SLC9A6: variants seen among roughly 807,000 people sequenced by gnomAD.
SLC9A6 encodes the protein solute carrier family 9 member A6.
SLC9A6 carries 6 observed loss-of-function variants against 45.3 expected under a neutral mutation model. The observed-to-expected ratio is 0.13, with a 90% CI of 0.07 to 0.26. SLC9A6 has a LOEUF of 0.26. Among genes scored for constraint, SLC9A6 ranks in the 10% least tolerant of loss-of-function variants. SLC9A6 has a pLI of 1.00. For missense variants in SLC9A6, 278 were observed against 503.7 expected (o/e 0.55, Z 4.29); for synonymous variants, 191 against 187.7 (o/e 1.02, Z -0.14).
intron 13 of SLC9A6, among the ~76,000 whole-genome samples, chrX:136,026,865 C>T (rs2071236901): frequency 9.0e-6 from 1 of 111,631 alleles, no homozygotes; most frequent in African/African-American, 3.2e-5. Context: ...GAGAATTTTG[C>T]CCCCCGCCCA....
At chrX:136,020,894 G>C (rs192134855) in intron 11 of SLC9A6, among the ~76,000 whole-genome samples, 1 of 107,510 alleles carries the variant, frequency 9.3e-6, no homozygotes, top group Non-Finnish European at 1.9e-5. Flanking sequence ...TTACTCCCTG[G>C]AACTATAAGA....
At chrX:136,039,786 A>G (rs2071475475) in intron 16 of SLC9A6, among the ~76,000 whole-genome samples, 1 of 111,687 alleles carries the variant, frequency 9.0e-6, no homozygotes, top group Non-Finnish European at 1.9e-5. Context: ...CAAGATTTGA[A>G]ATTCAGACCA....
chrX:135,996,967 C>G (rs782705156), intron 3 of SLC9A6, among the ~76,000 whole-genome samples: 50 of 110,537 alleles, frequency 4.5e-4, no homozygotes, highest in Non-Finnish European at 7.8e-4. Flanking sequence ...GGGGTTTCAC[C>G]GTGTTAGCCA....
intron 10 of SLC9A6, among the ~76,000 whole-genome samples, chrX:136,014,957 A>G (rs1463548901): frequency 8.9e-6 from 1 of 112,682 alleles, no homozygotes; most frequent in African/African-American, 3.2e-5. Flanking sequence ...GGATCTGGAA[A>G]GTATCCTAGA....
upstream of SLC9A6, chrX:135,985,165 T>G (rs1160543107): frequency 5.3e-6 from 1 of 188,809 alleles, no homozygotes; most frequent in Non-Finnish European, 9.7e-6. Context: ...CTATGAAAGA[T>G]CAATTCCCCT....
intron 11 of SLC9A6, among the ~76,000 whole-genome samples, chrX:136,018,049 C>G (rs1240272098): frequency 8.9e-6 from 1 of 112,078 alleles, no homozygotes; most frequent in East Asian, 2.8e-4. Flanking sequence ...AGCCGAAGTG[C>G]CTTTTGTAAC....
At chrX:135,987,641 T>G (rs946583076) in intron 2 of SLC9A6, among the ~76,000 whole-genome samples, 6 of 110,791 alleles carry the variant, frequency 5.4e-5, no homozygotes, top group African/African-American at 2.0e-4. Flanking sequence ...TGTTGCATTT[T>G]TTTTCTTTGA....
chrX:135,993,622 C>T (rs2089462208), intron 2 of SLC9A6, among the ~76,000 whole-genome samples: 1 of 110,667 alleles, frequency 9.0e-6, no homozygotes, highest in African/African-American at 3.3e-5. Flanking sequence ...GAAACCCCAT[C>T]TCTACTAAAA....
chrX:136,018,019 T>G (rs1279137355), intron 11 of SLC9A6, among the ~76,000 whole-genome samples: 5 of 111,926 alleles, frequency 4.5e-5, no homozygotes, highest in African/African-American at 1.6e-4. Context: ...CTGAGTGAGC[T>G]GAGAGAGCCC....
At chrX:135,991,477 C>T (rs1343780823) in intron 2 of SLC9A6, among the ~76,000 whole-genome samples, 1 of 110,876 alleles carries the variant, frequency 9.0e-6, no homozygotes, top group Admixed American at 9.6e-5. Flanking sequence ...AGGCTGGTCT[C>T]GAACTCTTGA....
chrX:136,005,157 A>G (rs1011072898), intron 7 of SLC9A6, among the ~76,000 whole-genome samples: 1 of 112,479 alleles, frequency 8.9e-6, no homozygotes, highest in Admixed American at 9.4e-5. Context: ...CCTGTGCCTT[A>G]GTTTTTCCTA....
intron 1 of SLC9A6, among the ~76,000 whole-genome samples, chrX:135,979,364 A>T (rs1452929708): frequency 9.0e-6 from 1 of 111,411 alleles, no homozygotes; most frequent in African/African-American, 3.3e-5. Flanking sequence ...TATAGCTCAA[A>T]AATCCATCAC....
chrX:135,996,531 G>A (rs1217577084), intron 3 of SLC9A6, among the ~76,000 whole-genome samples: 1 of 111,159 alleles, frequency 9.0e-6, no homozygotes, highest in Admixed American at 9.6e-5. Flanking sequence ...AACAGAAGGG[G>A]GTATTTACAT....
Position 136,024,456 on chromosome X carries a change from C to T in SLC9A6, c.1433C>T (p.Thr478Ile). The T allele has an allele frequency of 8.3e-7, 1 of 1,210,218 alleles. No homozygotes were observed. Among genetic ancestry groups the T allele is most frequent in the Non-Finnish European group, 1.1e-6 (1 of 894,167 alleles). Residue 478 changes from threonine to isoleucine, a missense_variant, in exon 13 of 18, where the codon ACT (threonine) becomes ATT (isoleucine). By Grantham distance (89) the Thr-to-Ile change is moderately conservative. Coordinates refer to ENST00000630721, the MANE Select transcript of SLC9A6 (RefSeq NM_001379110.1). ...GTGTGGGTATTTGGTGGTGGCACCA[C>T]TGCAATGCTGTCATGCTTGCATATC... ...FTVWVFGGGT[T>I]AMLSCLHIRY... is the part of the protein sequence containing the mutation.
At chrX:136,029,196 A>G (rs1390618245) in intron 14 of SLC9A6, among the ~76,000 whole-genome samples, 3 of 111,188 alleles carry the variant, frequency 2.7e-5, no homozygotes, top group African/African-American at 9.8e-5. Context: ...TGGGGAGATG[A>G]GCAGGCAGGT....
At chrX:136,016,909 A>G (rs1009535136) in intron 11 of SLC9A6, 151 bp downstream of exon 11, 42 of 389,706 alleles carry the variant, frequency 1.1e-4, no homozygotes, top group Non-Finnish European at 1.6e-4. Flanking sequence ...TTTCTAGTCT[A>G]TTTATTTTAT....
intron 11 of SLC9A6, among the ~76,000 whole-genome samples, chrX:136,018,085 G>T (rs944332420): frequency 1.1e-4 from 12 of 112,155 alleles, no homozygotes; most frequent in African/African-American, 3.9e-4. Context: ...GCATACCAGC[G>T]TCACTTCCAT....
At chrX:135,976,464 T>G (rs1413394728) in intron 1 of SLC9A6, among the ~76,000 whole-genome samples, 1 of 109,827 alleles carries the variant, frequency 9.1e-6, no homozygotes, top group Non-Finnish European at 1.9e-5. Context: ...TTGCCGGGCG[T>G]GGTGGTGGGC....
intron 13 of SLC9A6, among the ~76,000 whole-genome samples, chrX:136,027,058 A>G (rs1306405119): frequency 8.9e-6 from 1 of 111,993 alleles, no homozygotes; most frequent in African/African-American, 3.2e-5. Flanking sequence ...TGCTAGGGTT[A>G]AGAAATCCTC....
Sources: gnomAD v4.1 joint callset for allele counts (sites outside exome capture counted in the v4.1 genomes callset) on GRCh38, gnomAD v4.1.1 for gene constraint, MANE v1.5 for transcripts, NCBI Gene and HGNC (gene_info 2026-07-23, HGNC 2026-07-21) for gene names.